GNAO1: variants seen among roughly 807,000 people sequenced by gnomAD.
GNAO1 encodes the protein guanine nucleotide-binding protein G(o) subunit alpha.
For synonymous variants in GNAO1, 164 were observed against 180.7 expected, an observed-to-expected ratio of 0.91 and a Z score of 0.74; for missense variants, 166 against 478.7, an observed-to-expected ratio of 0.35 and a Z score of 6.10.
chr16:56,352,742 T>C (rs1449025333), intron 7 of GNAO1: 1 of 152,320 alleles, frequency 6.6e-6, no homozygotes, highest in Non-Finnish European at 1.5e-5. Context: ...TCCTCACTGA[T>C]GGTCCGTGCT....
At chr16:56,194,359 C>A in intron 2 of GNAO1, 1 of 436,490 alleles carries the variant, frequency 2.3e-6, no homozygotes, top group South Asian at 1.6e-5. Flanking sequence ...GCAAGCCGCG[C>A]CACCCCTTTC....
At chr16:56,334,389 AACC>A (rs2037720357) in intron 4 of GNAO1, among the ~76,000 whole-genome samples, 1 of 152,228 alleles carries the variant, frequency 6.6e-6, no homozygotes, top group Admixed American at 6.5e-5. Context: ...CAAAGAATAG[AACC>A]TATCTGTTGG....
At chr16:56,317,795 A>G (rs2126986) in intron 3 of GNAO1, among the ~76,000 whole-genome samples, 75,826 of 151,858 alleles carry the variant, frequency 0.5, 19,739 homozygotes, top group African/African-American at 0.63. Flanking sequence ...AAGGAAAGCA[A>G]GATTAGAGAT....
chr16:56,243,888 G>A (rs369817546), intron 2 of GNAO1, among the ~76,000 whole-genome samples: 27 of 152,134 alleles, frequency 1.8e-4, no homozygotes, highest in African/African-American at 6.5e-4. Flanking sequence ...ACTCATTTGC[G>A]GTCACCCAGT....
intron 3 of GNAO1, among the ~76,000 whole-genome samples, chr16:56,292,166 T>A (rs1385003331): frequency 6.6e-6 from 1 of 152,144 alleles, no homozygotes; most frequent in African/African-American, 2.4e-5. Context: ...GCTGCAGTCA[T>A]CCCTGAGTTT....
intron 2 of GNAO1, among the ~76,000 whole-genome samples, chr16:56,229,317 G>T (rs1277052761): frequency 1.3e-5 from 2 of 152,170 alleles, no homozygotes; most frequent in Non-Finnish European, 2.9e-5. Flanking sequence ...TAATTCTCGT[G>T]CCTCAGCCTC....
chr16:56,231,770 G>A (rs2036590535), intron 2 of GNAO1, among the ~76,000 whole-genome samples: 1 of 152,190 alleles, frequency 6.6e-6, no homozygotes, highest in African/African-American at 2.4e-5. Flanking sequence ...TGAAGTCAGG[G>A]GTTTTTGATT....
intron 2 of GNAO1, among the ~76,000 whole-genome samples, chr16:56,257,827 G>A (rs113254155): frequency 3.9e-5 from 6 of 152,210 alleles, no homozygotes; most frequent in African/African-American, 1.4e-4. Flanking sequence ...CCAGCAGGCT[G>A]GTAGACTGAG....
intron 2 of GNAO1, among the ~76,000 whole-genome samples, chr16:56,251,046 C>T (rs995173308): frequency 3.9e-5 from 6 of 152,176 alleles, no homozygotes; most frequent in African/African-American, 1.2e-4. Context: ...ATTTTACCCC[C>T]GAGTCTAAGA....
At chr16:56,300,036 T>TGC (rs1555505525) in intron 3 of GNAO1, among the ~76,000 whole-genome samples, 8 of 95,112 alleles carry the variant, frequency 8.4e-5, no homozygotes, top group African/African-American at 3.3e-4. Flanking sequence ...TGTGTGTGTG[T>TGC]GCGCGCGCGC....
chr16:56,329,746 C>T (rs2037670526), intron 4 of GNAO1, among the ~76,000 whole-genome samples: 1 of 152,206 alleles, frequency 6.6e-6, no homozygotes, highest in Admixed American at 6.5e-5. Context: ...AAGATTCTGA[C>T]ATGATCCAGT....
intron 2 of GNAO1, among the ~76,000 whole-genome samples, chr16:56,206,422 G>A (rs2036329461): frequency 6.6e-6 from 1 of 151,966 alleles, no homozygotes; most frequent in Admixed American, 6.6e-5. Flanking sequence ...TGAATGCCGT[G>A]GGAGATTGAC....
chr16:56,221,192 A>G (rs1161934821), intron 2 of GNAO1, among the ~76,000 whole-genome samples: 1 of 152,050 alleles, frequency 6.6e-6, no homozygotes, highest in African/African-American at 2.4e-5. Context: ...GGACTCCCCA[A>G]CCTCTACAAC....
intron 3 of GNAO1, among the ~76,000 whole-genome samples, chr16:56,328,208 A>G (rs1567485277): frequency 1.3e-5 from 2 of 152,126 alleles, no homozygotes; most frequent in African/African-American, 2.4e-5. Flanking sequence ...AAGAACATTG[A>G]TTTTTTTCTC....
intron 3 of GNAO1, among the ~76,000 whole-genome samples, chr16:56,290,905 CTT>C (rs1267242735): frequency 6.6e-6 from 1 of 152,232 alleles, no homozygotes; most frequent in Non-Finnish European, 1.5e-5. Context: ...ACTATGTACT[CTT>C]TTGCATCTTG....
At chr16:56,193,802 G>A (rs1393539038) in intron 2 of GNAO1, 3 of 320,592 alleles carry the variant, frequency 9.4e-6, no homozygotes, top group African/African-American at 6.5e-5. Flanking sequence ...GTTCGAGACG[G>A]AGGAGTTCGT....
intron 3 of GNAO1, among the ~76,000 whole-genome samples, chr16:56,325,542 A>G (rs141550471): frequency 7.2e-4 from 109 of 152,286 alleles, no homozygotes; most frequent in African/African-American, 2.4e-3. Flanking sequence ...AGCCCGTGAA[A>G]TCGGGGAGAT....
chr16:56,269,984 C>A (rs1355918236), intron 2 of GNAO1, among the ~76,000 whole-genome samples: 1 of 152,178 alleles, frequency 6.6e-6, no homozygotes, highest in Non-Finnish European at 1.5e-5. Context: ...CAGTCCTACA[C>A]TGCAAGGGGG....
At chr16:56,330,409 G>C (rs1185381036) in intron 4 of GNAO1, among the ~76,000 whole-genome samples, 1 of 152,132 alleles carries the variant, frequency 6.6e-6, no homozygotes, top group Non-Finnish European at 1.5e-5. Flanking sequence ...CTGTCTTCTA[G>C]TGGCTCAGCA....
Sources: gnomAD v4.1 joint callset for allele counts (sites outside exome capture counted in the v4.1 genomes callset) on GRCh38, gnomAD v4.1.1 for gene constraint, MANE v1.5 for transcripts, NCBI Gene and HGNC (gene_info 2026-07-23, HGNC 2026-07-21) for gene names.